SH3KBP1: variants seen among roughly 807,000 people sequenced by gnomAD.
The protein encoded by SH3KBP1 is SH3 domain-containing kinase-binding protein 1.
Under a neutral mutation model 50.1 loss-of-function variants are expected in SH3KBP1, and 8 were observed. The ratio of observed to expected loss-of-function variants is 0.16; its 90% CI spans 0.09 to 0.29. The LOEUF is 0.29. Among genes scored for constraint, SH3KBP1 ranks in the 10% least tolerant of loss-of-function variants. The pLI is 1.00. For missense variants in SH3KBP1, 377 were observed against 535.2 expected (o/e 0.70, Z 2.92); for synonymous variants, 227 against 218.6 (o/e 1.04, Z -0.34).
intron 7 of SH3KBP1, among the ~76,000 whole-genome samples, chrX:19,640,340 C>T (rs2061823254): frequency 9.0e-6 from 1 of 111,333 alleles, no homozygotes; most frequent in African/African-American, 3.3e-5. Flanking sequence ...CACTTGGTAG[C>T]TGCCAAAGAA....
intron 3 of SH3KBP1, among the ~76,000 whole-genome samples, chrX:19,736,484 A>G (rs2064579888): frequency 8.9e-6 from 1 of 112,249 alleles, no homozygotes; most frequent in Non-Finnish European, 1.9e-5. Flanking sequence ...CTCCAGAGAA[A>G]CACAAATGCG....
At chrX:19,823,599 T>A (rs2067590691) in intron 2 of SH3KBP1, among the ~76,000 whole-genome samples, 1 of 112,254 alleles carries the variant, frequency 8.9e-6, no homozygotes, top group Admixed American at 9.5e-5. Flanking sequence ...GGACTCATGT[T>A]AGGCCCACCT....
intron 15 of SH3KBP1, among the ~76,000 whole-genome samples, chrX:19,544,656 G>C (rs926301003): frequency 1.8e-5 from 2 of 111,832 alleles, no homozygotes; most frequent in Admixed American, 9.5e-5. Flanking sequence ...GACACTTCTT[G>C]AATCAATGCT....
chrX:19,710,278 C>T (rs1467498869), intron 3 of SH3KBP1, among the ~76,000 whole-genome samples: 2 of 112,556 alleles, frequency 1.8e-5, no homozygotes, highest in Non-Finnish European at 3.8e-5. Context: ...CTCCACGCTA[C>T]GGATGTTCCC....
intron 2 of SH3KBP1, among the ~76,000 whole-genome samples, chrX:19,819,242 G>A (rs770632536): frequency 8.9e-6 from 1 of 112,100 alleles, no homozygotes; most frequent in East Asian, 2.8e-4. Context: ...TGCAGAATCT[G>A]TAATGATATC....
At chrX:19,765,865 C>T (rs2065588448) in intron 2 of SH3KBP1, among the ~76,000 whole-genome samples, 1 of 111,621 alleles carries the variant, frequency 9.0e-6, no homozygotes, top group Admixed American at 9.5e-5. Flanking sequence ...AAGGTTCAAC[C>T]GCATTGTAGC....
At chrX:19,631,695 A>G (rs780114030) in intron 8 of SH3KBP1, among the ~76,000 whole-genome samples, 169 bp downstream of exon 8, 1 of 112,404 alleles carries the variant, frequency 8.9e-6, no homozygotes, top group Non-Finnish European at 1.9e-5. Flanking sequence ...GAATGCATTC[A>G]CTTGGATGCT....
At chrX:19,722,561 T>TGTGTGTGTGTGTGC (rs1268848168) in intron 3 of SH3KBP1, among the ~76,000 whole-genome samples, 1 of 94,405 alleles carries the variant, frequency 1.1e-5, no homozygotes, top group African/African-American at 4.1e-5. Flanking sequence ...TGTGTGCGCG[T>TGTGTGTGTGTGTGC]GCGCACTGGT....
intron 1 of SH3KBP1, among the ~76,000 whole-genome samples, chrX:19,870,380 T>C (rs1174717920): frequency 1.8e-5 from 2 of 110,348 alleles, no homozygotes; most frequent in Non-Finnish European, 3.8e-5. Context: ...TCTCACTCTG[T>C]TGCCCAGGCT....
chrX:19,538,622 T>G (rs377098954), intron 16 of SH3KBP1, among the ~76,000 whole-genome samples: 1 of 110,559 alleles, frequency 9.0e-6, no homozygotes, highest in South Asian at 3.9e-4. Context: ...AGTCCCACTC[T>G]GTTGCCCAGG....
intron 2 of SH3KBP1, among the ~76,000 whole-genome samples, chrX:19,805,878 C>T (rs1377498929): frequency 8.9e-6 from 1 of 111,919 alleles, no homozygotes; most frequent in Non-Finnish European, 1.9e-5. Flanking sequence ...ATGAATGGTA[C>T]AGATAAAGGA....
chrX:19,570,551 G>A (rs942623904), intron 12 of SH3KBP1, among the ~76,000 whole-genome samples: 17 of 111,531 alleles, frequency 1.5e-4, no homozygotes, highest in Non-Finnish European at 2.3e-4. Flanking sequence ...GGGGCCGAGG[G>A]ACGGTTGTAG....
chrX:19,824,585 G>C (rs1030268504), intron 2 of SH3KBP1, among the ~76,000 whole-genome samples: 1 of 112,127 alleles, frequency 8.9e-6, no homozygotes, highest in Non-Finnish European at 1.9e-5. Context: ...TAAATATCCA[G>C]TAATGATCAC....
intron 13 of SH3KBP1, among the ~76,000 whole-genome samples, chrX:19,556,405 C>T (rs772327336): frequency 1.8e-5 from 2 of 110,279 alleles, no homozygotes; most frequent in African/African-American, 3.3e-5. Context: ...GAGGAAGTCT[C>T]GCTCCATGCC....
At chrX:19,625,063 A>T (rs1321892343) in intron 8 of SH3KBP1, among the ~76,000 whole-genome samples, 1 of 112,098 alleles carries the variant, frequency 8.9e-6, no homozygotes, top group African/African-American at 3.2e-5. Context: ...GGTCAGGGCC[A>T]GCAATCGATT....
chrX:19,724,574 G>A, intron 3 of SH3KBP1, among the ~76,000 whole-genome samples: 1 of 112,084 alleles, frequency 8.9e-6, no homozygotes, highest in Non-Finnish European at 1.9e-5. Flanking sequence ...CCATTGTAGT[G>A]GTGAAAACAA....
chrX:19,663,050 A>G (rs2062501977), intron 6 of SH3KBP1, among the ~76,000 whole-genome samples: 1 of 111,296 alleles, frequency 9.0e-6, no homozygotes, highest in South Asian at 3.7e-4. Context: ...TTATCTTTTA[A>G]GATGCCTGAG....
At chrX:19,718,737 C>T (rs187915574) in intron 3 of SH3KBP1, among the ~76,000 whole-genome samples, 3 of 111,695 alleles carry the variant, frequency 2.7e-5, no homozygotes, top group Non-Finnish European at 5.6e-5. Flanking sequence ...CAAGGGGCCT[C>T]GGACCTCCCA....
intron 1 of SH3KBP1, among the ~76,000 whole-genome samples, chrX:19,884,913 T>C (rs1209097698): frequency 8.9e-6 from 1 of 112,083 alleles, no homozygotes; most frequent in Non-Finnish European, 1.9e-5. Context: ...GATTTGGTTC[T>C]TTTCTGTTAT....
Sources: allele counts gnomAD v4.1 joint callset (sites outside exome capture counted in the v4.1 genomes callset), GRCh38; gene constraint gnomAD v4.1.1; transcripts MANE v1.5; gene names NCBI Gene and HGNC (gene_info 2026-07-23, HGNC 2026-07-21).